Variants in CDCP1 observed in about 807,000 individuals in gnomAD.
The protein encoded by CDCP1 is CUB domain-containing protein 1.
A neutral mutation model predicts 60.2 loss-of-function variants in CDCP1; 29 were observed. The ratio of observed to expected loss-of-function variants is 0.48; its 90% CI spans 0.36 to 0.66. The LOEUF is 0.66. Among genes scored for constraint, CDCP1 ranks in the 30% least tolerant of loss-of-function variants. The pLI is 0.00. For missense variants in CDCP1, 876 were observed against 1,074.3 expected (o/e 0.82, Z 2.58); for synonymous variants, 387 against 431.1 (o/e 0.90, Z 1.27).
intron 1 of CDCP1, chr3:45,139,459 G>A (rs75983978): frequency 0.026 from 4,021 of 152,420 alleles, 67 homozygotes; most frequent in Middle Eastern, 0.095. Flanking sequence ...TCTGAGTCCA[G>A]TGAGGTCTTT....
rs373284410 is a variant in CDCP1, at chr3:45,086,002, G to C, written c.2147C>G (p.Pro716Arg). 6.2e-7 allele frequency: 1 copy of C among 1,614,074 alleles called. No individual in the cohort carries two copies. The highest frequency in any genetic ancestry group is 1.1e-5 in the South Asian group (1 of 91,078). Residue 716 changes from proline to arginine, a missense_variant, in exon 9 of 9, where the codon CCG becomes CGG. This residue lies in a region of CDCP1 where 726 missense variants were observed against 935.7 expected (regional missense o/e 0.78). Transcript: ENST00000296129. ...TTTCTGAAACTTTTTTGGCTGCCTC[G>C]GCATCTCAGTATTGATGTTGTCATT... The part of the protein sequence containing the change: ...IYNDNINTEM[P>R]RQPKKFQKGR...
Position 45,134,921 on chromosome 3 carries a change from G to A in CDCP1, c.82+11285C>T, listed in dbSNP as rs185644022. 5.9e-5 allele frequency among the ~76,000 whole-genome samples: 9 copies of A among 152,292 alleles called. 1 individual carries two copies. In the East Asian group the frequency reaches 1.7e-3, roughly 29 times the overall value. On this transcript the variant is annotated intron_variant, in intron 1 of 8. Coordinates refer to ENST00000296129, the MANE Select transcript of CDCP1 (RefSeq NM_022842.5). The stretch of plus-strand genomic sequence containing the variant: ...ATCAGAAGTTGGTTACCTTTGAAAG[G>A]TGTTATGTCAATGAGGAAGGCCATT...
Position 45,110,859 on chromosome 3 carries a change from C to A in CDCP1, c.656-18G>T. ...GCACAGACCTAGTGGGAGTGGAACC[C>A]AAACCAGAAAGAATAGGGAGCCATT... On this transcript the variant is annotated intron_variant, in intron 3 of 8. Coordinates refer to ENST00000296129, the MANE Select transcript of CDCP1 (RefSeq NM_022842.5). The A allele has an allele frequency of 4.4e-6, 7 of 1,596,662 alleles. No individual in the cohort carries two copies. Among genetic ancestry groups the A allele is most frequent in the Non-Finnish European group, 6.0e-6 (7 of 1,169,146 alleles).
At chr3:45,090,949 G>T (rs1698281957) in intron 7 of CDCP1, among the ~76,000 whole-genome samples, 1 of 152,204 alleles carries the variant, frequency 6.6e-6, no homozygotes, top group Non-Finnish European at 1.5e-5. Context: ...GTCCAGCTCA[G>T]ACCAGAATTG....
rs1210895220 is a variant in CDCP1, at chr3:45,084,836, C to T, written c.*802G>A. ...TTTCTCTTTAAATGTCAAAGTATTG[C>T]TGCAGCTAGGAGAACCGCACATGGA... On this transcript the variant is annotated 3_prime_UTR_variant, in exon 9 of 9. Coordinates refer to ENST00000296129, the MANE Select transcript of CDCP1 (RefSeq NM_022842.5). 6.5e-6 allele frequency: 1 copy of T among 152,672 alleles called. No individual in the cohort carries two copies. The highest frequency in any genetic ancestry group is 1.9e-4 in the East Asian group (1 of 5,184). 9.5% of individuals were successfully genotyped at this position (152,672 alleles called of 1,614,324 possible).
intron 1 of CDCP1, among the ~76,000 whole-genome samples, chr3:45,128,123 T>C (rs1699033047): frequency 6.6e-6 from 1 of 152,152 alleles, no homozygotes; most frequent in Admixed American, 6.5e-5. Flanking sequence ...CCAGGAAGGA[T>C]TGGACATAGA....
In CDCP1 at chr3:45,112,149, G is replaced by GT; in HGVS notation, c.588dup (p.His197ThrfsTer32). On this transcript the variant is annotated frameshift_variant, in exon 3 of 9. Coordinates refer to ENST00000296129, the MANE Select transcript of CDCP1 (RefSeq NM_022842.5). LOFTEE classifies it high-confidence loss of function. Reference sequence around the variant, plus strand: ...TTTCTGGGGTGGAACCATGGGAGGTGTAAGGCCATTTTCACTCCTTCTTGC... The same window carrying GT: ...TTTCTGGGGTGGAACCATGGGAGGTGTTAAGGCCATTTTCACTCCTTCTTGC... 1 of 1,614,220 alleles carries GT rather than the reference G, an allele frequency of 6.2e-7. No individual in the cohort carries two copies. The highest frequency in any genetic ancestry group is 8.5e-7 in the Non-Finnish European group (1 of 1,180,042).
intron 4 of CDCP1, among the ~76,000 whole-genome samples, chr3:45,099,123 T>A (rs1444013427): frequency 6.6e-6 from 1 of 151,496 alleles, no homozygotes; most frequent in Non-Finnish European, 1.5e-5. Flanking sequence ...TCTTTTCTTT[T>A]CTTTTTTTTT....
At chr3:45,095,847 G>A (rs1698388506) in intron 4 of CDCP1, among the ~76,000 whole-genome samples, 2 of 152,218 alleles carry the variant, frequency 1.3e-5, no homozygotes, top group Admixed American at 1.3e-4. Flanking sequence ...TAAAATATCT[G>A]TCTGATGATA....
chr3:45,109,388 C>T (rs991519756), intron 4 of CDCP1, among the ~76,000 whole-genome samples: 15 of 152,214 alleles, frequency 9.9e-5, no homozygotes, highest in East Asian at 5.8e-4. Context: ...AACAGCAGCA[C>T]GCCATTCCAC....
intron 1 of CDCP1, among the ~76,000 whole-genome samples, chr3:45,127,050 G>T (rs1404765975): frequency 6.6e-6 from 1 of 152,194 alleles, no homozygotes; most frequent in Admixed American, 6.5e-5. Context: ...ATGGTGCGTT[G>T]TTCTTACCAA....
At chr3:45,115,301 C>T (rs1217341945) in intron 2 of CDCP1, among the ~76,000 whole-genome samples, 1 of 152,080 alleles carries the variant, frequency 6.6e-6, no homozygotes, top group East Asian at 1.9e-4. Context: ...CCTCTGCCAT[C>T]CCCTATAGAG....
chr3:45,108,692 T>G (rs937150396), intron 4 of CDCP1, among the ~76,000 whole-genome samples: 2 of 148,650 alleles, frequency 1.3e-5, no homozygotes, highest in Non-Finnish European at 3.0e-5. Flanking sequence ...TATATATATA[T>G]GTGCATGTAT....
At chr3:45,090,622 T>C (rs1698277844) in intron 7 of CDCP1, among the ~76,000 whole-genome samples, 1 of 152,158 alleles carries the variant, frequency 6.6e-6, no homozygotes, top group Admixed American at 6.5e-5. Context: ...TGGTAAAGGA[T>C]GCTGGTAGAT....
chr3:45,118,708 G>A, intron 1 of CDCP1, 87 bp from the exon 2 acceptor site: 1 of 1,031,072 alleles, frequency 9.7e-7, no homozygotes, highest in Non-Finnish European at 1.5e-6. Context: ...GTTCAGAGAG[G>A]ATGTCCTCTA....
chr3:45,092,213 G>C (rs1225203900), intron 6 of CDCP1, among the ~76,000 whole-genome samples: 1 of 152,150 alleles, frequency 6.6e-6, no homozygotes, highest in East Asian at 1.9e-4. Context: ...AAAACAAACA[G>C]GCAAATAAAA....
At chr3:45,119,165 A>G (rs1698842179) in intron 1 of CDCP1, among the ~76,000 whole-genome samples, 1 of 152,230 alleles carries the variant, frequency 6.6e-6, no homozygotes, top group Non-Finnish European at 1.5e-5. Context: ...GAAATTAGAT[A>G]TAATCATATT....
rs1173695573 is a variant in CDCP1 at position 45,112,336 on chromosome 3, GCT to G, written c.400_401del (p.Ser134HisfsTer19). 2 of 1,614,116 alleles carry G rather than the reference GCT, an allele frequency of 1.2e-6. No homozygotes were observed. The highest frequency in any genetic ancestry group is 1.7e-6 in the Non-Finnish European group (2 of 1,180,052). ...TFIWDVKAHK[S>X]IGLELQFSIP... ...TGGAAAACTGCAGCTCTAAACCGAT[GCT>G]CTTATGAGCTTTGACATCCCAGATG... is the stretch of plus-strand genomic sequence containing the variant. On this transcript the variant is annotated frameshift_variant, in exon 3 of 9. Transcript: ENST00000296129. LOFTEE classifies it high-confidence loss of function.
At chr3:45,111,969 A>ATAT (rs1698701676) in intron 3 of CDCP1, 114 bp downstream of exon 3, 1 of 1,336,046 alleles carries the variant, frequency 7.5e-7, no homozygotes, top group Non-Finnish European at 1.0e-6. Context: ...ATCTTCCTTT[A>ATAT]TGGTTTTTAT....
Sources: allele counts gnomAD v4.1 joint callset (sites outside exome capture counted in the v4.1 genomes callset), GRCh38; gene constraint gnomAD v4.1.1; regional missense constraint gnomAD v4.1.1; transcripts MANE v1.5; gene names NCBI Gene and HGNC (gene_info 2026-07-23, HGNC 2026-07-21).